The following TENM1 variants were observed in gnomAD, a reference collection of about 807,000 sequenced individuals.
TENM1 encodes teneurin transmembrane protein 1.
A neutral mutation model predicts 174.8 loss-of-function variants in TENM1; 35 were observed. The ratio of observed to expected loss-of-function variants is 0.20; its 90% CI spans 0.15 to 0.27. The LOEUF is 0.27. Ranked by LOEUF, TENM1 falls within the 10% of genes least tolerant of loss-of-function variation. TENM1 has a pLI of 1.00. For missense variants in TENM1, 1,633 were observed against 2,130.1 expected, an observed-to-expected ratio of 0.77 and a Z score of 4.59; for synonymous variants, 781 against 798.7, an observed-to-expected ratio of 0.98 and a Z score of 0.37.
At chrX:124,613,291 T>C (rs2050320372) in intron 11 of TENM1, among the ~76,000 whole-genome samples, 1 of 110,266 alleles carries the variant, frequency 9.1e-6, no homozygotes, top group African/African-American at 3.3e-5. Flanking sequence ...GAGGAAAAAA[T>C]AGAAATGACC....
At chrX:125,192,047 C>T in the TENM1 span, among the ~76,000 whole-genome samples, 1 of 110,979 alleles carries the variant, frequency 9.0e-6, no homozygotes, top group African/African-American at 3.3e-5. Context: ...GAAGGAGTAA[C>T]TGCCTCCCGC....
chrX:124,627,790 T>C (rs2050670707), intron 11 of TENM1, among the ~76,000 whole-genome samples: 1 of 112,110 alleles, frequency 8.9e-6, no homozygotes, highest in Admixed American at 9.5e-5. Context: ...TTTTATGACA[T>C]TAAAATTCTG....
the TENM1 span, among the ~76,000 whole-genome samples, chrX:125,130,756 C>T: frequency 2.9e-4 from 32 of 111,470 alleles, no homozygotes; most frequent in African/African-American, 9.1e-4. Context: ...AATTCTTCCA[C>T]GCATTCACTT....
At chrX:124,780,027 C>T (rs1343323141) in intron 3 of TENM1, among the ~76,000 whole-genome samples, 2 of 111,400 alleles carry the variant, frequency 1.8e-5, no homozygotes, top group Non-Finnish European at 3.8e-5. Context: ...AGATACCCCC[C>T]ATTTTAAGAG....
chrX:124,752,164 AC>A lies in TENM1; in HGVS notation c.536-14968del, dbSNP rs1489352818. 2.7e-5 allele frequency among the ~76,000 whole-genome samples: 3 copies of A among 111,134 alleles called. No individual in the cohort carries two copies. In the Admixed American group the frequency reaches 2.9e-4, roughly 11 times the overall value. ...CCTCTCCAACACCTGTTGTTTCCTG[AC>A]TTTTTAGTGATTGCCATTCTAACTG... On this transcript the variant is annotated intron_variant, in intron 3 of 31. Coordinates refer to ENST00000422452, the Ensembl canonical transcript of TENM1.
chrX:124,418,626 A>T (rs1338584380), intron 25 of TENM1, among the ~76,000 whole-genome samples: 1 of 111,885 alleles, frequency 8.9e-6, no homozygotes, highest in Non-Finnish European at 1.9e-5. Context: ...TCATAGCTAT[A>T]TCCCCAGCGC....
the TENM1 span, among the ~76,000 whole-genome samples, chrX:125,189,121 G>A: frequency 8.9e-6 from 1 of 111,854 alleles, no homozygotes; most frequent in Non-Finnish European, 1.9e-5. Flanking sequence ...AAAACAAAGG[G>A]CTCTTCTCTG....
At chrX:124,754,601 T>C (rs769952880) in intron 3 of TENM1, among the ~76,000 whole-genome samples, 1 of 111,824 alleles carries the variant, frequency 8.9e-6, no homozygotes, top group East Asian at 2.8e-4. Context: ...TTTTGATCTT[T>C]TCTGCTTTCT....
At chrX:124,440,469 A>G (rs1438198939) in intron 23 of TENM1, among the ~76,000 whole-genome samples, 1 of 111,977 alleles carries the variant, frequency 8.9e-6, no homozygotes, top group Non-Finnish European at 1.9e-5. Flanking sequence ...ATTAGCCTTC[A>G]TAAGGAGGAA....
chrX:124,753,823 A>T (rs1362533848), intron 3 of TENM1, among the ~76,000 whole-genome samples: 3 of 111,936 alleles, frequency 2.7e-5, no homozygotes, highest in Non-Finnish European at 5.6e-5. Flanking sequence ...CCAGCCTTGC[A>T]TCCCAGGGAT....
chrX:124,403,803 G>A (rs980735084), intron 27 of TENM1, among the ~76,000 whole-genome samples: 4 of 111,412 alleles, frequency 3.6e-5, no homozygotes, highest in Admixed American at 1.9e-4. Context: ...GACTCATTCC[G>A]ATTACCTGCT....
At chrX:124,466,879 T>A (rs777631818) in intron 22 of TENM1, among the ~76,000 whole-genome samples, 8 of 111,487 alleles carry the variant, frequency 7.2e-5, no homozygotes, top group Non-Finnish European at 1.5e-4. Context: ...AAAACCAATA[T>A]AGGTAAGCTT....
Position 124,902,911 on chromosome X carries a change from T to C in TENM1, c.218-6670A>G, listed in dbSNP as rs2057686984. Among the ~76,000 whole-genome samples the C allele has an allele frequency of 2.7e-5, 3 of 112,350 alleles. No homozygotes were observed. In the South Asian group the frequency reaches 1.1e-3, roughly 42 times the overall value. The stretch of plus-strand genomic sequence containing the variant: ...GAGTTAACAGGACCTTGTCATGTCC[T>C]TTGGGAAGTTCCACACAGAGCCTTT... On this transcript the variant is annotated intron_variant, in intron 1 of 31. Transcript: ENST00000422452.
At chrX:124,561,186 T>C (rs1267835464) in intron 14 of TENM1, among the ~76,000 whole-genome samples, 1 of 112,011 alleles carries the variant, frequency 8.9e-6, no homozygotes, top group Non-Finnish European at 1.9e-5. Context: ...TATGCTAACA[T>C]CAAACAACTT....
At chrX:124,471,449 TATATATAATACTATATATAA>T (rs2061326595) in intron 22 of TENM1, among the ~76,000 whole-genome samples, 2 of 26,819 alleles carry the variant, frequency 7.5e-5, no homozygotes, top group Non-Finnish European at 1.2e-4. Flanking sequence ...TATATAGTAC[TATATATAATACTATATATAA>T]TATATAATAT....
intron 1 of TENM1, among the ~76,000 whole-genome samples, chrX:124,896,816 G>A (rs2057569991): frequency 9.0e-6 from 1 of 111,327 alleles, no homozygotes; most frequent in African/African-American, 3.3e-5. Flanking sequence ...GATTTTAACG[G>A]AGTTCAAGGC....
the TENM1 span, among the ~76,000 whole-genome samples, chrX:125,143,696 T>G: frequency 0.015 from 1,655 of 111,901 alleles, 37 homozygotes; most frequent in African/African-American, 0.051. Context: ...GATACAATGT[T>G]GAAAAAGTCA....
chrX:124,940,872 A>C (rs2058315786), intron 1 of TENM1, among the ~76,000 whole-genome samples: 1 of 111,253 alleles, frequency 9.0e-6, no homozygotes, highest in Non-Finnish European at 1.9e-5. Flanking sequence ...TCTCTTTTCT[A>C]TCACTTAATA....
chrX:125,111,846 T>G, the TENM1 span, among the ~76,000 whole-genome samples: 2 of 111,579 alleles, frequency 1.8e-5, no homozygotes, highest in Non-Finnish European at 3.8e-5. Context: ...ACTACAATTT[T>G]TCAAACATGG....
Sources: allele counts gnomAD v4.1 joint callset (sites outside exome capture counted in the v4.1 genomes callset), GRCh38; gene constraint gnomAD v4.1.1; transcripts MANE v1.5; gene names NCBI Gene and HGNC (gene_info 2026-07-23, HGNC 2026-07-21).